Variants in MARCHF1 observed in about 807,000 individuals in gnomAD.
MARCHF1 encodes the protein membrane associated ring-CH-type finger 1.
MARCHF1 carries 40 observed loss-of-function variants against 54.2 expected under a neutral mutation model. That is an observed-to-expected ratio of 0.74 (90% CI 0.57 to 0.96). The LOEUF (loss-of-function observed/expected upper bound fraction) is 0.96. Among genes scored for constraint, MARCHF1 ranks in the 40% least tolerant of loss-of-function variants. The pLI, the probability that MARCHF1 is intolerant of heterozygous loss-of-function variation, is 0.00. For missense variants in MARCHF1, 586 were observed against 656.5 expected (o/e 0.89, Z 1.17); for synonymous variants, 236 against 236.3 (o/e 1.00, Z 0.01).
chr4:164,199,632 T>TCACACACA (rs376565727), intron 1 of MARCHF1, among the ~76,000 whole-genome samples: 26 of 114,842 alleles, frequency 2.3e-4, no homozygotes, highest in Non-Finnish European at 3.6e-4. Context: ...CAGGACTCTG[T>TCACACACA]CACACACACA....
intron 1 of MARCHF1, among the ~76,000 whole-genome samples, chr4:164,201,298 C>A (rs1337321664): frequency 6.6e-6 from 1 of 152,162 alleles, no homozygotes; most frequent in Non-Finnish European, 1.5e-5. Context: ...CGGCTCACTG[C>A]AACCTCCGCC....
At chr4:164,276,756 T>C (rs374901295) in intron 1 of MARCHF1, among the ~76,000 whole-genome samples, 1 of 150,232 alleles carries the variant, frequency 6.7e-6, no homozygotes, top group East Asian at 2.0e-4. Context: ...AAACTGTAAC[T>C]GTAAAATGTA....
intron 5 of MARCHF1, among the ~76,000 whole-genome samples, chr4:163,646,212 G>A (rs1257928542): frequency 1.3e-5 from 2 of 151,650 alleles, no homozygotes; most frequent in Non-Finnish European, 2.9e-5. Flanking sequence ...AGGAGGGAGT[G>A]AGATGTTATA....
intron 4 of MARCHF1, among the ~76,000 whole-genome samples, chr4:163,759,795 T>G: frequency 6.6e-6 from 1 of 152,216 alleles, no homozygotes; most frequent in Non-Finnish European, 1.5e-5. Flanking sequence ...TATGGGAACA[T>G]TTACCTTTAT....
intron 3 of MARCHF1, among the ~76,000 whole-genome samples, chr4:163,914,520 A>G (rs945705901): frequency 1.8e-4 from 27 of 152,176 alleles, no homozygotes; most frequent in African/African-American, 6.0e-4. Context: ...AAATTAATAA[A>G]TTAAAAAGAA....
At chr4:164,076,678 T>C (rs1013546706) in intron 2 of MARCHF1, among the ~76,000 whole-genome samples, 5 of 152,208 alleles carry the variant, frequency 3.3e-5, no homozygotes, top group African/African-American at 1.2e-4. Flanking sequence ...GATAAGAAAC[T>C]TCAGCCAAGT....
chr4:164,073,136 T>G, intron 2 of MARCHF1, among the ~76,000 whole-genome samples: 1 of 152,100 alleles, frequency 6.6e-6, no homozygotes, highest in East Asian at 1.9e-4. Flanking sequence ...TGTACAGACA[T>G]TATAAGTAAG....
chr4:163,943,371 G>C (rs561389832), intron 3 of MARCHF1, among the ~76,000 whole-genome samples: 5 of 152,258 alleles, frequency 3.3e-5, no homozygotes, highest in African/African-American at 4.8e-5. Flanking sequence ...TGTGTATAGT[G>C]TAATGAAGGG....
At chr4:163,592,156 G>C (rs368067320) in intron 7 of MARCHF1, among the ~76,000 whole-genome samples, 1 of 152,028 alleles carries the variant, frequency 6.6e-6, no homozygotes, top group African/African-American at 2.4e-5. Flanking sequence ...CATGACATAA[G>C]AATAAAAATA....
At chr4:163,872,902 G>T (rs1247002264) in intron 3 of MARCHF1, among the ~76,000 whole-genome samples, 1 of 151,998 alleles carries the variant, frequency 6.6e-6, no homozygotes, top group Non-Finnish European at 1.5e-5. Context: ...AAATTAGCCG[G>T]GCGTGGTGGC....
At chr4:163,690,052 G>A (rs1262813116) in intron 5 of MARCHF1, among the ~76,000 whole-genome samples, 1 of 152,068 alleles carries the variant, frequency 6.6e-6, no homozygotes, top group East Asian at 1.9e-4. Flanking sequence ...TGGGGATTGT[G>A]TCAAGAGACC....
intron 5 of MARCHF1, among the ~76,000 whole-genome samples, chr4:163,696,490 C>T (rs1157438169): frequency 6.6e-6 from 1 of 152,110 alleles, no homozygotes; most frequent in Non-Finnish European, 1.5e-5. Context: ...CTGTTGAGCA[C>T]CAAGACTCTC....
chr4:164,309,254 C>CTGTGTGTGTGTG (rs10577361), intron 1 of MARCHF1, among the ~76,000 whole-genome samples: 27 of 147,956 alleles, frequency 1.8e-4, no homozygotes, highest in Middle Eastern at 3.5e-3. Context: ...AATTTCTAAC[C>CTGTGTGTGTGTG]TGTGTGTGTG....
Position 163,526,820 on chromosome 4 carries a change from A to G in MARCHF1, c.*1928T>C, listed in dbSNP as rs184579367. On this transcript the variant is annotated 3_prime_UTR_variant, in exon 10 of 10. Transcript: ENST00000514618. ...CTTAACATTTTCCCCGCATATATACATGACTACACACACGCCATACACACA... is the reference window on the plus strand; with the variant it reads ...CTTAACATTTTCCCCGCATATATACGTGACTACACACACGCCATACACACA... 4 of 152,020 alleles carry G rather than the reference A, an allele frequency of 2.6e-5. No individual in the cohort carries two copies. The allele number at this position is 152,020 out of a possible 1,614,324, so 9.4% of individuals were successfully genotyped here.
chr4:164,034,474 T>G (rs891404232), intron 2 of MARCHF1, among the ~76,000 whole-genome samples: 2 of 152,298 alleles, frequency 1.3e-5, no homozygotes, highest in East Asian at 3.9e-4. Context: ...CTACTAGGTA[T>G]GTACCCAAAG....
chr4:163,544,456 C>T (rs555390051), intron 9 of MARCHF1, among the ~76,000 whole-genome samples: 9 of 152,254 alleles, frequency 5.9e-5, no homozygotes, highest in Non-Finnish European at 8.8e-5. Context: ...GTCACCATCC[C>T]CTCTTTGACG....
chr4:163,953,292 G>A lies in MARCHF1; in HGVS notation c.-39+35209C>T, dbSNP rs145300686. 1.5e-3 allele frequency among the ~76,000 whole-genome samples: 228 copies of A among 152,244 alleles called. 1 individual carries two copies. The highest frequency in any genetic ancestry group is 2.3e-3 in the East Asian group (12 of 5,194). On this transcript the variant is annotated intron_variant, in intron 3 of 9. Transcript: ENST00000514618. ...AATGTAAAATATTTCAGGATTTGGC[G>A]TCAGACTTGGATTATTTCTACCCAC...
At chr4:164,020,270 T>A (rs1355817399) in intron 2 of MARCHF1, among the ~76,000 whole-genome samples, 3 of 152,184 alleles carry the variant, frequency 2.0e-5, no homozygotes, top group Non-Finnish European at 4.4e-5. Context: ...GCAGTTGAGT[T>A]TTGGGAAATG....
At chr4:163,618,755 T>C (rs749190520) in intron 5 of MARCHF1, among the ~76,000 whole-genome samples, 4 of 152,186 alleles carry the variant, frequency 2.6e-5, no homozygotes, top group Non-Finnish European at 5.9e-5. Context: ...GATAATATGA[T>C]ATACTCTGGA....
Sources: gnomAD v4.1 joint callset for allele counts (sites outside exome capture counted in the v4.1 genomes callset) on GRCh38, gnomAD v4.1.1 for gene constraint, MANE v1.5 for transcripts, NCBI Gene and HGNC (gene_info 2026-07-23, HGNC 2026-07-21) for gene names.